The following SLC9A9 variants were observed in gnomAD, a reference collection of about 807,000 sequenced individuals.
SLC9A9 encodes sodium/hydrogen exchanger 9.
Under a neutral mutation model 77.8 loss-of-function variants are expected in SLC9A9, and 62 were observed. That is an observed-to-expected ratio of 0.80 (90% confidence interval 0.65 to 0.98). SLC9A9 has a LOEUF of 0.98. SLC9A9 is among the 50% of genes least tolerant of loss of function. The pLI is 0.00. For synonymous variants in SLC9A9, 320 were observed against 283.5 expected (o/e 1.13, Z -1.29); for missense variants, 775 against 774.9 (o/e 1.00, Z 0.00).
intron 5 of SLC9A9, among the ~76,000 whole-genome samples, chr3:143,683,690 A>C (rs1311055972): frequency 2.0e-5 from 3 of 152,134 alleles, no homozygotes; most frequent in African/African-American, 7.2e-5. Context: ...GGGTAAAATG[A>C]TAATGTCTGA....
intron 9 of SLC9A9, among the ~76,000 whole-genome samples, chr3:143,505,197 G>T (rs1261154101): frequency 6.6e-6 from 1 of 151,844 alleles, no homozygotes; most frequent in African/African-American, 2.4e-5. Context: ...ACCCATCCAA[G>T]CCAACCCCTC....
At chr3:143,651,102 T>C (rs541470380) in intron 6 of SLC9A9, among the ~76,000 whole-genome samples, 76 of 152,358 alleles carry the variant, frequency 5.0e-4, no homozygotes, top group African/African-American at 1.7e-3. Context: ...TTACTCCAAA[T>C]GTTCTTTTAA....
chr3:143,767,376 A>ATGTGTGTGTGTGTGTGTGTGTGTG (rs142594079), intron 4 of SLC9A9, among the ~76,000 whole-genome samples: 14 of 141,274 alleles, frequency 9.9e-5, no homozygotes, highest in African/African-American at 3.6e-4. Flanking sequence ...GTGTCTGTGT[A>ATGTGTGTGTGTGTGTGTGTGTGTG]TGTGTGTGTG....
At chr3:143,622,215 C>T (rs1039421283) in intron 6 of SLC9A9, among the ~76,000 whole-genome samples, 13 of 152,188 alleles carry the variant, frequency 8.5e-5, no homozygotes, top group African/African-American at 3.1e-4. Context: ...AGGAGAACTT[C>T]CCCAATCTAG....
chr3:143,794,134 C>A (rs2008302338), intron 4 of SLC9A9, among the ~76,000 whole-genome samples: 1 of 152,204 alleles, frequency 6.6e-6, no homozygotes, highest in South Asian at 2.1e-4. Context: ...CCTGACACTT[C>A]CTTGGCCTCA....
At chr3:143,710,525 A>T (rs1934113050) in intron 4 of SLC9A9, among the ~76,000 whole-genome samples, 1 of 151,538 alleles carries the variant, frequency 6.6e-6, no homozygotes, top group Non-Finnish European at 1.5e-5. Context: ...ATTGTTTGGA[A>T]TCTGTTGTTT....
In SLC9A9 at chr3:143,354,467, C is replaced by G. The variant is rs146577237; in HGVS notation, c.1604+9017G>C. Among the ~76,000 whole-genome samples, 14 of 152,314 alleles carry G rather than the reference C, an allele frequency of 9.2e-5. No individual in the cohort carries two copies. The East Asian group carries it at 2.7e-3, about 29-fold the overall frequency. ...TGTCTATCATAGCTTCACATGCAGACAAATGCTGGATAACTGCAGTCTGCG... is the reference window on the plus strand; with the variant it reads ...TGTCTATCATAGCTTCACATGCAGAGAAATGCTGGATAACTGCAGTCTGCG... On this transcript the variant is annotated intron_variant, in intron 14 of 15. Coordinates refer to ENST00000316549, the MANE Select transcript of SLC9A9 (RefSeq NM_173653.4).
chr3:143,675,939 A>C (rs1481629370), intron 5 of SLC9A9, among the ~76,000 whole-genome samples: 1 of 152,070 alleles, frequency 6.6e-6, no homozygotes, highest in Non-Finnish European at 1.5e-5. Context: ...CCAATTTTAC[A>C]ACGCAGTACA....
chr3:143,290,774 C>T (rs569744117), intron 14 of SLC9A9, among the ~76,000 whole-genome samples: 1 of 152,258 alleles, frequency 6.6e-6, no homozygotes, highest in Non-Finnish European at 1.5e-5. Flanking sequence ...ATTGCTGAGA[C>T]CTTTCTAAAC....
chr3:143,629,212 G>A lies in SLC9A9; in HGVS notation c.755+23043C>T, dbSNP rs116144198. ...CACCCAAATAATTTATCAATTAATA[G>A]ACAATCATAAGCTTGACAGCTTGTC... On this transcript the variant is annotated intron_variant, in intron 6 of 15. Coordinates refer to ENST00000316549, the MANE Select transcript of SLC9A9 (RefSeq NM_173653.4). 4.4e-3 allele frequency among the ~76,000 whole-genome samples: 674 copies of A among 152,220 alleles called. 2 individuals carry two copies. Among genetic ancestry groups the A allele is most frequent in the Middle Eastern group, 0.01 (3 of 294 alleles).
chr3:143,618,256 G>C (rs1363682764), intron 6 of SLC9A9, among the ~76,000 whole-genome samples: 1 of 152,172 alleles, frequency 6.6e-6, no homozygotes, highest in Non-Finnish European at 1.5e-5. Context: ...CCAACTGATT[G>C]AACTTGTGTC....
intron 4 of SLC9A9, chr3:143,697,972 G>T (rs113674416): frequency 6.6e-6 from 1 of 152,120 alleles, no homozygotes; most frequent in Non-Finnish European, 1.5e-5. Context: ...ATAAATGGTA[G>T]CTATTGTTAT....
chr3:143,796,763 C>T (rs2008396174), intron 3 of SLC9A9, 63 bp downstream of exon 3: 3 of 1,184,980 alleles, frequency 2.5e-6, no homozygotes, highest in Non-Finnish European at 2.5e-6. Context: ...AACAGTTTCT[C>T]ATTAGTGCTG....
intron 12 of SLC9A9, among the ~76,000 whole-genome samples, chr3:143,409,853 G>T (rs1403756537): frequency 2.6e-5 from 4 of 152,212 alleles, no homozygotes; most frequent in African/African-American, 7.2e-5. Context: ...ATTTCTTGGT[G>T]ATGTGTTGCT....
At chr3:143,844,181 A>G (rs2009773401) in intron 1 of SLC9A9, among the ~76,000 whole-genome samples, 1 of 152,238 alleles carries the variant, frequency 6.6e-6, no homozygotes, top group Admixed American at 6.5e-5. Context: ...AAGTGTTCAT[A>G]TGATATTTTA....
At chr3:143,643,188 T>A (rs73152845) in intron 6 of SLC9A9, among the ~76,000 whole-genome samples, 4,694 of 152,302 alleles carry the variant, frequency 0.031, 107 homozygotes, top group Middle Eastern at 0.088. Flanking sequence ...CAGGGCAGTT[T>A]CAGTGTATTT....
intron 12 of SLC9A9, among the ~76,000 whole-genome samples, chr3:143,392,486 C>T (rs563859890): frequency 1.3e-5 from 2 of 152,208 alleles, no homozygotes; most frequent in South Asian, 2.1e-4. Flanking sequence ...GTACCAGCCA[C>T]TGCAAAAACA....
At chr3:143,358,751 C>T (rs1576446881) in intron 14 of SLC9A9, among the ~76,000 whole-genome samples, 1 of 152,286 alleles carries the variant, frequency 6.6e-6, no homozygotes, top group East Asian at 1.9e-4. Context: ...CTTACTTCCT[C>T]ATTATGAGAG....
Position 143,493,734 on chromosome 3 carries a change from T to C in SLC9A9, c.1234A>G (p.Ile412Val). 6.2e-7 allele frequency: 1 copy of C among 1,614,124 alleles called. No homozygotes were observed. Among genetic ancestry groups the C allele is most frequent in the Non-Finnish European group, 8.5e-7 (1 of 1,179,956 alleles). ...TTCAGGAGGAAGGAGAGGGGATATA[T>C]GTTGCAGGCTCTGGCAACAAAAATT... ...LAIFVARACN[I>V]YPLSFLLNLG... The change falls in exon 11 of 16, where the codon ATA becomes GTA. Residue 412 changes from isoleucine (I) to valine (V), a missense_variant. By Grantham distance (29) the Ile-to-Val change is conservative. Transcript: ENST00000316549.
Sources: allele counts gnomAD v4.1 joint callset (sites outside exome capture counted in the v4.1 genomes callset), GRCh38; gene constraint gnomAD v4.1.1; transcripts MANE v1.5; gene names NCBI Gene and HGNC (gene_info 2026-07-23, HGNC 2026-07-21).